Variants in HIKESHI observed in about 807,000 individuals in gnomAD.
HIKESHI encodes heat shock protein nuclear import factor hikeshi, also known as protein Hikeshi.
Under a neutral mutation model 25.7 loss-of-function variants are expected in HIKESHI, and 13 were observed. That is an observed-to-expected ratio of 0.51 (90% confidence interval 0.33 to 0.80). The LOEUF (loss-of-function observed/expected upper bound fraction) is 0.80. HIKESHI is among the 30% of genes least tolerant of loss of function. The probability of loss-of-function intolerance (pLI) is 0.02; values close to 1 mark genes in which losing one functional copy is unlikely to be tolerated. For missense variants in HIKESHI, 174 were observed against 229.5 expected (o/e 0.76, Z 1.56); for synonymous variants, 76 against 78.7 (o/e 0.97, Z 0.18).
At chr11:86,311,749 G>A (rs1946841427) in intron 2 of HIKESHI, among the ~76,000 whole-genome samples, 1 of 152,066 alleles carries the variant, frequency 6.6e-6, no homozygotes, top group Non-Finnish European at 1.5e-5. Flanking sequence ...CAGAGTTTCT[G>A]GTATGCTGTG....
chr11:86,333,364 C>T (rs887368240), intron 2 of HIKESHI, among the ~76,000 whole-genome samples: 5 of 151,892 alleles, frequency 3.3e-5, no homozygotes, highest in Non-Finnish European at 5.9e-5. Context: ...GGTGAAACCC[C>T]GTCTGCACTA....
chr11:86,302,985 G>A (rs551410811), intron 1 of HIKESHI, among the ~76,000 whole-genome samples: 16 of 152,238 alleles, frequency 1.1e-4, no homozygotes, highest in South Asian at 4.2e-4. Flanking sequence ...CCCTTTGGAA[G>A]AACCCGAGTA....
In HIKESHI at chr11:86,316,771, C is replaced by CT. The variant is rs71040229; in HGVS notation, c.268+10329dup. Among the ~76,000 whole-genome samples the CT allele has an allele frequency of 1.5e-3, 104 of 68,786 alleles. 24 individuals are homozygous for CT. The highest frequency in any genetic ancestry group is 1.7e-3 in the Non-Finnish European group (64 of 37,484). The allele number at this position is 68,786 out of a possible 152,430, so 45.1% of individuals were successfully genotyped here. A position where few individuals can be genotyped will look rare whatever the true frequency, so the allele number is the denominator to read the frequency against. ...TTATGAGTAATGAATCTGAAACATT[C>CT]TTTTTTTTTTTTTTTTTTTTTTTTT... On this transcript the variant is annotated intron_variant, in intron 2 of 4. Transcript: ENST00000278483.
At chr11:86,326,162 G>A (rs749493664) in intron 2 of HIKESHI, among the ~76,000 whole-genome samples, 1 of 152,182 alleles carries the variant, frequency 6.6e-6, no homozygotes, top group Admixed American at 6.5e-5. Flanking sequence ...GCTGGGTGTG[G>A]TGGTGCATGG....
chr11:86,318,203 C>T (rs975940731), intron 2 of HIKESHI, among the ~76,000 whole-genome samples: 10 of 148,092 alleles, frequency 6.8e-5, no homozygotes, highest in African/African-American at 7.6e-5. Context: ...ACTTGAGAGG[C>T]TGAGGCAGGA....
chr11:86,322,157 T>C (rs560525290), intron 2 of HIKESHI, among the ~76,000 whole-genome samples: 101 of 151,958 alleles, frequency 6.6e-4, no homozygotes, highest in Non-Finnish European at 1.1e-3. Flanking sequence ...CTGCTGATTT[T>C]ATATTTTTTT....
chr11:86,306,185 T>G lies in HIKESHI; in HGVS notation c.31-60T>G, dbSNP rs1004495261. The G allele has an allele frequency of 2.8e-6, 3 of 1,064,780 alleles. No homozygotes were observed. In the African/African-American group the frequency reaches 4.7e-5, roughly 17 times the overall value. 66.0% of individuals were successfully genotyped at this position (1,064,780 alleles called of 1,614,324 possible). ...TGGTAATATAACTTATAAATGATAC[T>G]GTTAAGAGTTACAGAAACTCATAGA... is the stretch of plus-strand genomic sequence containing the variant. On this transcript the variant is annotated intron_variant, in intron 1 of 4. Transcript: ENST00000278483.
intron 1 of HIKESHI, among the ~76,000 whole-genome samples, chr11:86,305,534 G>A (rs1234207047): frequency 1.3e-5 from 2 of 149,552 alleles, no homozygotes; most frequent in African/African-American, 4.9e-5. Context: ...TTACAGGCAC[G>A]TGCCACCACG....
intron 2 of HIKESHI, among the ~76,000 whole-genome samples, chr11:86,317,602 C>T (rs1453394204): frequency 6.6e-6 from 1 of 151,876 alleles, no homozygotes; most frequent in Non-Finnish European, 1.5e-5. Flanking sequence ...GTGGGGAGTT[C>T]GAGACCAGCC....
chr11:86,321,679 G>A (rs1190836224), intron 2 of HIKESHI, among the ~76,000 whole-genome samples: 1 of 151,912 alleles, frequency 6.6e-6, no homozygotes, highest in South Asian at 2.1e-4. Context: ...ATAGGCACCC[G>A]CCATTATGCC....
intron 2 of HIKESHI, chr11:86,324,194 G>A (rs1176162718): frequency 1.3e-5 from 2 of 152,150 alleles, no homozygotes; most frequent in Non-Finnish European, 2.9e-5. Flanking sequence ...ACCAAACTTA[G>A]TGTGGACACC....
chr11:86,328,666 ACTC>A (rs929805390), intron 2 of HIKESHI, among the ~76,000 whole-genome samples: 1 of 149,722 alleles, frequency 6.7e-6, no homozygotes, highest in African/African-American at 2.5e-5. Context: ...CTGGTCTTGA[ACTC>A]CTGACCTTGT....
At chr11:86,323,006 A>G (rs933397803) in intron 2 of HIKESHI, among the ~76,000 whole-genome samples, 5 of 152,134 alleles carry the variant, frequency 3.3e-5, no homozygotes, top group African/African-American at 7.2e-5. Flanking sequence ...GGGCAGGTGG[A>G]TCACTTGAAC....
chr11:86,323,660 G>C (rs1288637548), intron 2 of HIKESHI, among the ~76,000 whole-genome samples: 2 of 152,218 alleles, frequency 1.3e-5, no homozygotes, highest in Non-Finnish European at 2.9e-5. Context: ...AGGGAACAGT[G>C]AAAATGTTCT....
At chr11:86,316,342 T>C (rs551350305) in intron 2 of HIKESHI, among the ~76,000 whole-genome samples, 74 of 151,040 alleles carry the variant, frequency 4.9e-4, no homozygotes, top group African/African-American at 1.8e-3. Flanking sequence ...TAAAACCCCG[T>C]CTCCACTAAA....
chr11:86,325,764 C>T (rs190948664), intron 2 of HIKESHI, among the ~76,000 whole-genome samples: 431 of 151,414 alleles, frequency 2.8e-3, no homozygotes, highest in African/African-American at 1.0e-2. Context: ...CCCAGCTACT[C>T]GGGAGGGTGA....
chr11:86,341,780 C>G (rs1436550784), intron 3 of HIKESHI, among the ~76,000 whole-genome samples: 2 of 152,180 alleles, frequency 1.3e-5, no homozygotes, highest in African/African-American at 2.4e-5. Flanking sequence ...ACCATTACTA[C>G]AGAAATTCTT....
chr11:86,306,345 T>C lies in HIKESHI; in HGVS notation c.131T>C (p.Ile44Thr). ...GTTGTGGTTTTTATGCTGGGAACAA[T>C]CCCATTTCCTGAGGGAATGGGAGGA... ...NHVVVFMLGT[I>T]PFPEGMGGSV... The change falls in exon 2 of 5, where the codon ATC (isoleucine) becomes ACC (threonine). Residue 44 changes from isoleucine (I) to threonine (T), a missense_variant. Physicochemically the swap from Ile to Thr is moderately conservative, Grantham distance 89. Coordinates refer to ENST00000278483, the MANE Select transcript of HIKESHI (RefSeq NM_016401.4). 1 of 1,613,998 alleles carries C rather than the reference T, an allele frequency of 6.2e-7. No homozygotes were observed. The highest frequency in any genetic ancestry group is 1.1e-5 in the South Asian group (1 of 91,080).
chr11:86,326,924 A>C (rs1947296691), intron 2 of HIKESHI, among the ~76,000 whole-genome samples: 1 of 152,090 alleles, frequency 6.6e-6, no homozygotes, highest in African/African-American at 2.4e-5. Flanking sequence ...TTTGAGCAAG[A>C]TCTTAATATG....
Sources: allele counts gnomAD v4.1 joint callset (sites outside exome capture counted in the v4.1 genomes callset), GRCh38; gene constraint gnomAD v4.1.1; transcripts MANE v1.5; gene names NCBI Gene and HGNC (gene_info 2026-07-23, HGNC 2026-07-21).